Variants in ERC2 observed in about 807,000 individuals in gnomAD.
ERC2 encodes the protein ERC protein 2.
ERC2 carries 42 observed loss-of-function variants against 114.8 expected under a neutral mutation model. That is an observed-to-expected ratio of 0.37 (90% confidence interval 0.29 to 0.47). The LOEUF is 0.47. ERC2 is among the 20% of genes least tolerant of loss of function. The probability of loss-of-function intolerance (pLI) is 0.99; values close to 1 mark genes in which losing one functional copy is unlikely to be tolerated. For missense variants in ERC2, 939 were observed against 1,150.7 expected (o/e 0.82, Z 2.66); for synonymous variants, 454 against 425.5 (o/e 1.07, Z -0.82).
chr3:55,830,434 G>A (rs2060518045), intron 14 of ERC2, among the ~76,000 whole-genome samples: 1 of 152,090 alleles, frequency 6.6e-6, no homozygotes, highest in Admixed American at 6.5e-5. Context: ...CTCCTTTTAG[G>A]GCCTTCAAAC....
rs547781477 is a variant in ERC2 at position 55,796,240 on chromosome 3, GGCTTTGTTTGAGAAGAAAAGTGAA to G, written c.2565-61346_2565-61323del. Among the ~76,000 whole-genome samples, 453 of 148,210 alleles carry G rather than the reference GGCTTTGTTTGAGAAGAAAAGTGAA, an allele frequency of 3.1e-3. 2 individuals are homozygous for G. Among genetic ancestry groups the G allele is most frequent in the African/African-American group, 0.011 (430 of 40,604 alleles). On this transcript the variant is annotated intron_variant, in intron 14 of 17. Coordinates refer to ENST00000288221, the MANE Select transcript of ERC2 (RefSeq NM_015576.3). ...AAAAGGTTCGAAGCAGGCAAGGCCT[GGCTTTGTTTGAGAAGAAAAGTGAA>G]CTATTGGGCCTTCGGTGGACTGCAT... is the stretch of plus-strand genomic sequence containing the variant.
intron 3 of ERC2, among the ~76,000 whole-genome samples, chr3:56,219,375 C>T (rs1257382076): frequency 6.6e-6 from 1 of 151,984 alleles, no homozygotes; most frequent in Non-Finnish European, 1.5e-5. Context: ...TAACCTCCAG[C>T]AAGTGATGGA....
chr3:55,829,961 A>T (rs1049654898), intron 14 of ERC2, among the ~76,000 whole-genome samples: 2 of 152,222 alleles, frequency 1.3e-5, no homozygotes, highest in Admixed American at 1.3e-4. Flanking sequence ...CTCAAAAAGT[A>T]GAGCCAACTT....
At chr3:56,108,711 TTCTAG>T (rs1283096274) in intron 6 of ERC2, among the ~76,000 whole-genome samples, 3 of 152,136 alleles carry the variant, frequency 2.0e-5, no homozygotes, top group African/African-American at 7.2e-5. Flanking sequence ...AAGAAAATGT[TTCTAG>T]AAATCAACTA....
At chr3:55,696,119 T>C (rs1266294238) in intron 16 of ERC2, among the ~76,000 whole-genome samples, 3 of 152,144 alleles carry the variant, frequency 2.0e-5, no homozygotes, top group African/African-American at 7.2e-5. Flanking sequence ...AGAAAAATCA[T>C]AGTGAAGGAG....
At chr3:55,730,973 AG>A (rs1290732619) in intron 15 of ERC2, among the ~76,000 whole-genome samples, 10 of 152,276 alleles carry the variant, frequency 6.6e-5, no homozygotes, top group Non-Finnish European at 8.8e-5. Context: ...TCCCTGAAAG[AG>A]CTCTGCTCTT....
intron 17 of ERC2, among the ~76,000 whole-genome samples, chr3:55,618,637 TA>T (rs1360929061): frequency 1.3e-5 from 2 of 152,170 alleles, no homozygotes; most frequent in Non-Finnish European, 2.9e-5. Flanking sequence ...TAAGAGTCTA[TA>T]TATAGTAAAA....
At chr3:55,892,123 T>G (rs1353310355) in intron 13 of ERC2, among the ~76,000 whole-genome samples, 1 of 152,218 alleles carries the variant, frequency 6.6e-6, no homozygotes, top group Non-Finnish European at 1.5e-5. Context: ...ATCAGATGAT[T>G]ATGGGCACAT....
At chr3:56,322,091 A>G (rs910831948) in intron 2 of ERC2, among the ~76,000 whole-genome samples, 2 of 152,240 alleles carry the variant, frequency 1.3e-5, no homozygotes, top group East Asian at 1.9e-4. Context: ...TCACCTAACC[A>G]CAGAGCGTGG....
At chr3:55,689,810 GA>G (rs940339665) in intron 16 of ERC2, among the ~76,000 whole-genome samples, 14 of 142,180 alleles carry the variant, frequency 9.8e-5, no homozygotes, top group South Asian at 4.5e-4. Flanking sequence ...AAAAAAAAAA[GA>G]AAAAAAAAAG....
intron 6 of ERC2, among the ~76,000 whole-genome samples, chr3:56,097,826 A>G (rs2078144679): frequency 6.6e-6 from 1 of 152,206 alleles, no homozygotes; most frequent in African/African-American, 2.4e-5. Context: ...GCAGCCTGAT[A>G]TCCTATCAGC....
At chr3:56,273,645 G>A (rs1409759799) in intron 3 of ERC2, among the ~76,000 whole-genome samples, 1 of 151,820 alleles carries the variant, frequency 6.6e-6, no homozygotes, top group Non-Finnish European at 1.5e-5. Flanking sequence ...TTTTCTTTGG[G>A]GGTAATGATT....
chr3:56,414,114 A>G (rs1001938219), intron 2 of ERC2, among the ~76,000 whole-genome samples: 1 of 152,218 alleles, frequency 6.6e-6, no homozygotes, highest in Non-Finnish European at 1.5e-5. Flanking sequence ...TCAGAAAAGC[A>G]AACAAAGGCA....
Position 55,699,414 on chromosome 3 carries a change from C to A in ERC2, c.2811G>T (p.Arg937Ser). The part of the protein sequence containing the change: ...HHHHHHRSPG[R>S]SQHSNHRPSP... ...AGGGCCTGTGATTGGAATGTTGCGACCTCCCAGGAGATCGATGGTGGTGGT... is the reference window on the plus strand; with the variant it reads ...AGGGCCTGTGATTGGAATGTTGCGAACTCCCAGGAGATCGATGGTGGTGGT... Residue 937 changes from arginine (R) to serine (S), a missense_variant, in exon 16 of 18, where the codon AGG becomes AGT. By Grantham distance (110) the Arg-to-Ser change is moderately radical. Transcript: ENST00000288221. 5 of 1,613,674 alleles carry A rather than the reference C, an allele frequency of 3.1e-6. No individual in the cohort carries two copies. The highest frequency in any genetic ancestry group is 1.7e-4 in the Middle Eastern group (1 of 6,056).
chr3:55,555,882 G>T (rs1277306788), intron 17 of ERC2, among the ~76,000 whole-genome samples: 1 of 152,208 alleles, frequency 6.6e-6, no homozygotes, highest in Non-Finnish European at 1.5e-5. Flanking sequence ...ACCGAGGAAA[G>T]ATTTCAGCAG....
intron 1 of ERC2, among the ~76,000 whole-genome samples, chr3:56,438,197 G>C (rs2062115291): frequency 2.0e-5 from 3 of 152,176 alleles, no homozygotes; most frequent in Admixed American, 2.0e-4. Flanking sequence ...AGGCCTCCCA[G>C]ATAGTGTCAA....
At chr3:55,720,123 T>C (rs867567976) in intron 15 of ERC2, among the ~76,000 whole-genome samples, 125 of 10,494 alleles carry the variant, frequency 0.012, 31 homozygotes, top group South Asian at 0.016. Context: ...TCCTCCTCCT[T>C]CTTCTTCCTC....
chr3:55,510,667 G>A lies in ERC2; in HGVS notation c.*649C>T, dbSNP rs764157077. On this transcript the variant is annotated 3_prime_UTR_variant, in exon 18 of 18. Coordinates refer to ENST00000288221, the MANE Select transcript of ERC2 (RefSeq NM_015576.3). The stretch of plus-strand genomic sequence containing the variant: ...ACTACTGGTTACACCCTCAAAATGC[G>A]GTTCTTCAAACAACAGATTAAAGAA... 3 of 152,518 alleles carry A rather than the reference G, an allele frequency of 2.0e-5. No individual in the cohort carries two copies. The highest frequency in any genetic ancestry group is 4.4e-5 in the Non-Finnish European group (3 of 68,028). 9.4% of individuals were successfully genotyped at this position (152,518 alleles called of 1,614,324 possible).
chr3:56,097,075 G>A (rs1332032075), intron 6 of ERC2, among the ~76,000 whole-genome samples: 1 of 152,194 alleles, frequency 6.6e-6, no homozygotes, highest in East Asian at 1.9e-4. Flanking sequence ...TCACATCATT[G>A]AGTTTTAGGA....
Sources: allele counts gnomAD v4.1 joint callset (sites outside exome capture counted in the v4.1 genomes callset), GRCh38; gene constraint gnomAD v4.1.1; transcripts MANE v1.5; gene names NCBI Gene and HGNC (gene_info 2026-07-23, HGNC 2026-07-21).